Variants in CATSPERB observed in about 807,000 individuals in gnomAD.
CATSPERB encodes the protein cation channel sperm-associated auxiliary subunit beta.
Under a neutral mutation model 128.3 loss-of-function variants are expected in CATSPERB, and 93 were observed. The ratio of observed to expected loss-of-function variants is 0.72; its 90% CI spans 0.61 to 0.86. The LOEUF is 0.86. Ranked by LOEUF, CATSPERB falls within the 40% of genes least tolerant of loss-of-function variation. CATSPERB has a pLI of 0.00. For missense variants in CATSPERB, 1,153 were observed against 1,329.5 expected (o/e 0.87, Z 2.06); for synonymous variants, 381 against 448.8 (o/e 0.85, Z 1.91).
At chr14:91,669,328 AT>A (rs1250694243) in intron 14 of CATSPERB, among the ~76,000 whole-genome samples, 1 of 57,728 alleles carries the variant, frequency 1.7e-5, no homozygotes, top group African/African-American at 7.0e-5. Context: ...CATAGATGGT[AT>A]AACTACTCCT....
At chr14:91,677,368 A>C (rs1327598590) in intron 11 of CATSPERB, among the ~76,000 whole-genome samples, 1 of 152,214 alleles carries the variant, frequency 6.6e-6, no homozygotes, top group Non-Finnish European at 1.5e-5. Flanking sequence ...ATTTACAAGA[A>C]AAAAAATCCC....
chr14:91,699,490 C>T (rs1895612019), intron 7 of CATSPERB, among the ~76,000 whole-genome samples: 1 of 151,392 alleles, frequency 6.6e-6, no homozygotes, highest in Non-Finnish European at 1.5e-5. Context: ...TATTCCTAAG[C>T]AAAAAGAATA....
At chr14:91,647,695 T>C (rs1421511800) in intron 15 of CATSPERB, among the ~76,000 whole-genome samples, 1 of 152,108 alleles carries the variant, frequency 6.6e-6, no homozygotes, top group East Asian at 1.9e-4. Context: ...TTATTCACTA[T>C]CACCAGAACA....
chr14:91,620,686 TAC>T (rs1418399955), intron 19 of CATSPERB, among the ~76,000 whole-genome samples: 2 of 152,198 alleles, frequency 1.3e-5, no homozygotes, highest in East Asian at 3.8e-4. Flanking sequence ...TTAAAATAAA[TAC>T]AGTCATTCTG....
At chr14:91,607,168 G>A (rs1893726158) in intron 22 of CATSPERB, among the ~76,000 whole-genome samples, 1 of 151,942 alleles carries the variant, frequency 6.6e-6, no homozygotes, top group South Asian at 2.1e-4. Flanking sequence ...TCTGGGCACT[G>A]GGGATATAGT....
intron 6 of CATSPERB, among the ~76,000 whole-genome samples, chr14:91,706,130 AC>A (rs1895727715): frequency 6.6e-6 from 1 of 152,298 alleles, no homozygotes; most frequent in African/African-American, 2.4e-5. Context: ...TCTGCTACAA[AC>A]CCAAAGACTT....
chr14:91,681,999 T>C (rs1895289314), intron 11 of CATSPERB, among the ~76,000 whole-genome samples: 2 of 152,362 alleles, frequency 1.3e-5, no homozygotes, highest in South Asian at 4.1e-4. Context: ...TAGTCATGAA[T>C]ACATTATTTA....
At position 91,674,172 on chromosome 14, in the gene CATSPERB, A is replaced by G. The variant is rs1208065039; in HGVS notation, c.978+4T>C. 4.0e-6 allele frequency: 6 copies of G among 1,482,464 alleles called. No individual in the cohort carries two copies. Among genetic ancestry groups the G allele is most frequent in the Non-Finnish European group, 4.7e-6 (5 of 1,072,978 alleles). 91.8% of individuals were successfully genotyped at this position (1,482,464 alleles called of 1,614,324 possible). A position where few individuals can be genotyped will look rare whatever the true frequency, so the allele number is the denominator to read the frequency against. The stretch of plus-strand genomic sequence containing the variant: ...CTTAACTTATAAAATATTCAATATC[A>G]TACCTCACTTAGGGTTCTGTTTCTC... On this transcript the variant is annotated splice_donor_region_variant and intron_variant, in intron 12 of 26. Transcript: ENST00000256343.
chr14:91,657,757 G>T (rs563495855), intron 15 of CATSPERB, among the ~76,000 whole-genome samples: 3 of 152,080 alleles, frequency 2.0e-5, no homozygotes, highest in Non-Finnish European at 4.4e-5. Context: ...GCAGACAGGC[G>T]TATGAAAAGG....
chr14:91,634,665 TAC>T (rs1216199315), intron 17 of CATSPERB, among the ~76,000 whole-genome samples: 1,879 of 66,938 alleles, frequency 0.028, 105 homozygotes, highest in African/African-American at 0.15. Context: ...TATATATATA[TAC>T]ATACACACAC....
intron 15 of CATSPERB, among the ~76,000 whole-genome samples, chr14:91,652,276 G>C (rs1894715584): frequency 6.6e-6 from 1 of 151,886 alleles, no homozygotes; most frequent in African/African-American, 2.4e-5. Flanking sequence ...ATTCAAAAAA[G>C]ACTTGAAAAG....
Position 91,704,428 on chromosome 14 carries a change from T to C in CATSPERB, c.616+124A>G, listed in dbSNP as rs552798869. 15 of 905,822 alleles carry C rather than the reference T, an allele frequency of 1.7e-5. No individual in the cohort carries two copies. In the East Asian group the frequency reaches 3.6e-4, roughly 22 times the overall value. The allele number at this position is 905,822 out of a possible 1,614,324, so 56.1% of individuals were successfully genotyped here. A position where few individuals can be genotyped will look rare whatever the true frequency, so the allele number is the denominator to read the frequency against. ...GATACAGTATTGAATAATAAATTTTTAGGTATTTTTAGGAAACAATTTTCC... is the reference window on the plus strand; with the variant it reads ...GATACAGTATTGAATAATAAATTTTCAGGTATTTTTAGGAAACAATTTTCC... On this transcript the variant is annotated intron_variant, in intron 7 of 26. Coordinates refer to ENST00000256343, the MANE Select transcript of CATSPERB (RefSeq NM_024764.4).
intron 10 of CATSPERB, among the ~76,000 whole-genome samples, chr14:91,686,399 T>A (rs1046342773): frequency 2.0e-5 from 3 of 152,188 alleles, no homozygotes; most frequent in African/African-American, 7.2e-5. Context: ...TCATTAAGTA[T>A]TCACATGTTC....
chr14:91,700,920 A>G (rs890407656), intron 7 of CATSPERB, among the ~76,000 whole-genome samples: 11 of 152,156 alleles, frequency 7.2e-5, no homozygotes, highest in African/African-American at 2.2e-4. Context: ...GCATCACACA[A>G]TATACCCATG....
intron 15 of CATSPERB, among the ~76,000 whole-genome samples, chr14:91,644,201 T>C (rs1184399398): frequency 7.7e-6 from 1 of 130,052 alleles, no homozygotes; most frequent in African/African-American, 2.9e-5. Flanking sequence ...GAGAATTTAG[T>C]CCATTTACAT....
At position 91,723,209 on chromosome 14, in the gene CATSPERB, A is replaced by AC; in HGVS notation, c.169-21_169-20insG. On this transcript the variant is annotated intron_variant, in intron 3 of 26. Transcript: ENST00000256343. ...GATTTTCTTTAGGAAAGCAAGAAAA[A>AC]AAAAAACAACTAATAACCACTTGAT... 1 of 1,483,156 alleles carries AC rather than the reference A, an allele frequency of 6.7e-7. No individual in the cohort carries two copies. The highest frequency in any genetic ancestry group is 2.5e-5 in the Admixed American group (1 of 40,136). 91.9% of individuals were successfully genotyped at this position (1,483,156 alleles called of 1,614,324 possible).
intron 15 of CATSPERB, among the ~76,000 whole-genome samples, chr14:91,645,696 C>T (rs1363389752): frequency 7.5e-6 from 1 of 133,876 alleles, no homozygotes; most frequent in African/African-American, 2.8e-5. Flanking sequence ...GTGGAGCCTA[C>T]AGAGGCAGGC....
intron 18 of CATSPERB, 43 bp from the exon 19 acceptor site, chr14:91,621,980 C>T (rs568375927): frequency 1.5e-5 from 20 of 1,322,486 alleles, no homozygotes; most frequent in Middle Eastern, 1.9e-4. Flanking sequence ...ATCAAACATC[C>T]GATGTTTGCC....
At chr14:91,729,345 G>T in intron 2 of CATSPERB, 56 bp downstream of exon 2, 1 of 740,796 alleles carries the variant, frequency 1.3e-6, no homozygotes, top group Non-Finnish European at 2.2e-6. Context: ...ATAAGGAAGA[G>T]ACACAAATAA....
Sources: allele counts gnomAD v4.1 joint callset (sites outside exome capture counted in the v4.1 genomes callset), GRCh38; gene constraint gnomAD v4.1.1; transcripts MANE v1.5; gene names NCBI Gene and HGNC (gene_info 2026-07-23, HGNC 2026-07-21).